Variants in LRFN2 observed in about 807,000 individuals in gnomAD.
The protein encoded by LRFN2 is leucine rich repeat and fibronectin type III domain containing 2.
LRFN2 carries 18 observed loss-of-function variants against 37.3 expected under a neutral mutation model. That is an observed-to-expected ratio of 0.48 (90% CI 0.33 to 0.72). The LOEUF is 0.72. Among genes scored for constraint, LRFN2 ranks in the 30% least tolerant of loss-of-function variants. The pLI, the probability that LRFN2 is intolerant of heterozygous loss-of-function variation, is 0.02. For missense variants in LRFN2, 1,006 were observed against 1,060.7 expected, an observed-to-expected ratio of 0.95 and a Z score of 0.72; for synonymous variants, 556 against 466.6, an observed-to-expected ratio of 1.19 and a Z score of -2.47.
chr6:40,464,776 A>G (rs1764422712), intron 1 of LRFN2, among the ~76,000 whole-genome samples: 1 of 149,864 alleles, frequency 6.7e-6, no homozygotes, highest in South Asian at 2.2e-4. Flanking sequence ...GAGTTATTCA[A>G]CCCCTACTCC....
At chr6:40,522,221 T>A (rs1766097845) in intron 1 of LRFN2, among the ~76,000 whole-genome samples, 1 of 152,182 alleles carries the variant, frequency 6.6e-6, no homozygotes, top group Admixed American at 6.5e-5. Context: ...ACCGAAGGCC[T>A]ACTGACTGCC....
rs112970285 is a variant in LRFN2 at position 40,468,729 on chromosome 6, C to T, written c.-18-35598G>A. On this transcript the variant is annotated intron_variant, in intron 1 of 2. Transcript: ENST00000338305. ...CCATGCCTGTGAGGTGGTGGGAGGA[C>T]GTGGCAGGAGAATGACAGGCAGCTG... is the stretch of plus-strand genomic sequence containing the variant. 3.3e-3 allele frequency among the ~76,000 whole-genome samples: 509 copies of T among 152,226 alleles called. 2 individuals are homozygous for T. The highest frequency in any genetic ancestry group is 0.012 in the African/African-American group (494 of 41,514).
At chr6:40,511,405 A>G (rs571980133) in intron 1 of LRFN2, among the ~76,000 whole-genome samples, 1 of 152,344 alleles carries the variant, frequency 6.6e-6, no homozygotes, top group Admixed American at 6.5e-5. Flanking sequence ...TTTCAATTCT[A>G]GAGATGTTAA....
chr6:40,506,004 C>G (rs1442785204), intron 1 of LRFN2, among the ~76,000 whole-genome samples: 1 of 152,230 alleles, frequency 6.6e-6, no homozygotes, highest in Non-Finnish European at 1.5e-5. Flanking sequence ...ATCCTGCAGG[C>G]TGGGCCTGAG....
intron 1 of LRFN2, among the ~76,000 whole-genome samples, chr6:40,452,421 A>G (rs1033402324): frequency 1.3e-5 from 2 of 152,216 alleles, no homozygotes; most frequent in Non-Finnish European, 2.9e-5. Flanking sequence ...CAAAGTCATG[A>G]TAGCCAGTGG....
chr6:40,570,278 T>A (rs1023669001), intron 1 of LRFN2, among the ~76,000 whole-genome samples: 1 of 152,190 alleles, frequency 6.6e-6, no homozygotes, highest in East Asian at 1.9e-4. Flanking sequence ...AAAATAATAA[T>A]GATAGCTAAT....
At chr6:40,409,462 C>A (rs1258121540) in intron 2 of LRFN2, among the ~76,000 whole-genome samples, 2 of 152,172 alleles carry the variant, frequency 1.3e-5, no homozygotes, top group Non-Finnish European at 2.9e-5. Flanking sequence ...ACAGAGTATG[C>A]TGCTGAGAGT....
intron 1 of LRFN2, among the ~76,000 whole-genome samples, chr6:40,524,263 C>G (rs1458432258): frequency 6.6e-6 from 1 of 152,186 alleles, no homozygotes; most frequent in East Asian, 1.9e-4. Context: ...AGAGTCAATT[C>G]AGTTATCCCC....
intron 2 of LRFN2, chr6:40,408,084 G>A (rs751307583): frequency 1.3e-5 from 2 of 152,526 alleles, no homozygotes; most frequent in Non-Finnish European, 2.9e-5. Context: ...GTGAGGAATG[G>A]GGAATTCTTA....
At chr6:40,421,260 A>G (rs1325913541) in intron 2 of LRFN2, among the ~76,000 whole-genome samples, 1 of 152,244 alleles carries the variant, frequency 6.6e-6, no homozygotes, top group Non-Finnish European at 1.5e-5. Flanking sequence ...AGTATCTGAT[A>G]GGTCTCAATC....
chr6:40,416,676 C>T (rs1173237987), intron 2 of LRFN2, among the ~76,000 whole-genome samples: 1 of 152,136 alleles, frequency 6.6e-6, no homozygotes, highest in Non-Finnish European at 1.5e-5. Context: ...GCAATAAGTC[C>T]ACACAGGAGA....
intron 2 of LRFN2, among the ~76,000 whole-genome samples, chr6:40,393,274 G>C (rs1195152584): frequency 6.6e-6 from 1 of 152,082 alleles, no homozygotes; most frequent in East Asian, 1.9e-4. Flanking sequence ...GGGAGATTCA[G>C]AGATGGAGCA....
chr6:40,483,184 A>G (rs958339316), intron 1 of LRFN2, among the ~76,000 whole-genome samples: 9 of 152,404 alleles, frequency 5.9e-5, no homozygotes, highest in African/African-American at 2.2e-4. Flanking sequence ...GTTGTGGGGC[A>G]TAAAATAGAA....
chr6:40,393,036 C>A, intron 2 of LRFN2, 124 bp from the exon 3 acceptor site: 1 of 698,298 alleles, frequency 1.4e-6, no homozygotes, highest in South Asian at 1.8e-5. Context: ...GAGGCCAAGA[C>A]AGACACGGGG....
At chr6:40,548,784 T>C (rs1766712095) in intron 1 of LRFN2, among the ~76,000 whole-genome samples, 1 of 152,202 alleles carries the variant, frequency 6.6e-6, no homozygotes, top group Non-Finnish European at 1.5e-5. Context: ...CCTATGAACA[T>C]GCAGCCTACA....
chr6:40,392,111 C>A lies in LRFN2; in HGVS notation c.2202G>T (p.Ala734=), dbSNP rs201948377. 42 of 1,613,244 alleles carry A rather than the reference C, an allele frequency of 2.6e-5. 2 individuals are homozygous for A. In the East Asian group the frequency reaches 7.1e-4, roughly 27 times the overall value. ...TGTAGCCGCCCGGCACGACCCCTCCCGCCGCCGCAGCAGCAAAGTCCCCCA... is the reference window on the plus strand; with the variant it reads ...TGTAGCCGCCCGGCACGACCCCTCCAGCCGCCGCAGCAGCAAAGTCCCCCA... ...FDMGDFAAAA[A]GGVVPGGYSP... is the part of the protein sequence containing the mutation. The change falls in exon 3 of 3, where the codon GCG becomes GCT. Residue 734 remains alanine (A), a synonymous_variant. Transcript: ENST00000338305. This position sits in a 1 kb window ranked among gnomAD's most constrained non-coding sequence, Gnocchi z 4.7.
At chr6:40,580,203 C>A (rs925947130) in intron 1 of LRFN2, among the ~76,000 whole-genome samples, 2 of 152,210 alleles carry the variant, frequency 1.3e-5, no homozygotes, top group South Asian at 2.1e-4. Context: ...TTGGTGAAAA[C>A]AAGTCAGAAC....
intron 2 of LRFN2, among the ~76,000 whole-genome samples, chr6:40,401,773 A>G (rs965638499): frequency 6.6e-6 from 1 of 152,128 alleles, no homozygotes. Context: ...TTGTATCTGC[A>G]TAATTCCTCC....
intron 1 of LRFN2, among the ~76,000 whole-genome samples, chr6:40,493,692 G>A (rs956333597): frequency 2.0e-5 from 3 of 152,184 alleles, no homozygotes; most frequent in South Asian, 2.1e-4. Context: ...CCTTGCAGCC[G>A]GCTTCTGCCT....
Sources: gnomAD v4.1 joint callset for allele counts (sites outside exome capture counted in the v4.1 genomes callset) on GRCh38, gnomAD v4.1.1 for gene constraint, Gnocchi (gnomAD v3.1) non-coding constraint, MANE v1.5 for transcripts, NCBI Gene and HGNC (gene_info 2026-07-23, HGNC 2026-07-21) for gene names.